The following PATJ variants were observed in gnomAD, a reference collection of about 807,000 sequenced individuals.
PATJ encodes inaD-like protein.
A neutral mutation model predicts 224.9 loss-of-function variants in PATJ; 190 were observed. The observed-to-expected ratio is 0.84, with a 90% CI of 0.75 to 0.95. PATJ has a LOEUF of 0.95. Ranked by LOEUF, PATJ falls within the 40% of genes least tolerant of loss-of-function variation. The pLI is 0.00. For missense variants in PATJ, 2,121 were observed against 2,270.3 expected (o/e 0.93, Z 1.34); for synonymous variants, 769 against 820.3 (o/e 0.94, Z 1.07).
chr1:61,794,886 G>A lies in PATJ; in HGVS notation c.1169-581G>A, dbSNP rs1338782429. The stretch of plus-strand genomic sequence containing the variant: ...GCCTGTAATTCCAGCTACTCAGGAG[G>A]CAGGAGAATCACTTGAACTCTGAAA... On this transcript the variant is annotated intron_variant, in intron 9 of 43. Coordinates refer to ENST00000642238, the MANE Select transcript of PATJ (RefSeq NM_001350145.3). 3.9e-5 allele frequency among the ~76,000 whole-genome samples: 6 copies of A among 152,004 alleles called. No homozygotes were observed. The East Asian group carries it at 1.2e-3, about 29-fold the overall frequency.
chr1:62,128,031 T>C lies in PATJ; in HGVS notation c.5103T>C (p.Asp1701=), dbSNP rs536278499. ...GAGGAAGAGGAAGTCCCTTAGGAGATATCCCCGTATTTATTGCCATGATTC... is the reference window on the plus strand; with the variant it reads ...GAGGAAGAGGAAGTCCCTTAGGAGACATCCCCGTATTTATTGCCATGATTC... ...IAGGRGSPLG[D]IPVFIAMIQA... The change falls in exon 40 of 44, where the codon GAT becomes GAC. Residue 1701 remains aspartate (D), a synonymous_variant. Coordinates refer to ENST00000642238, the MANE Select transcript of PATJ (RefSeq NM_001350145.3). 6.2e-6 allele frequency: 10 copies of C among 1,614,130 alleles called. No individual in the cohort carries two copies. In the African/African-American group the frequency reaches 1.1e-4, roughly 17 times the overall value.
At chr1:62,042,140 A>C (rs2148534289) in intron 30 of PATJ, among the ~76,000 whole-genome samples, 1 of 152,338 alleles carries the variant, frequency 6.6e-6, no homozygotes, top group Non-Finnish European at 1.5e-5. Context: ...TTTGTATTTC[A>C]TTTTCAAAAA....
intron 24 of PATJ, among the ~76,000 whole-genome samples, chr1:61,903,424 T>G (rs576398656): frequency 7.2e-5 from 11 of 152,174 alleles, no homozygotes; most frequent in Admixed American, 5.9e-4. Flanking sequence ...AGGAACAGAT[T>G]TGGGGAGACA....
At chr1:61,765,844 A>G (rs1052405571) in intron 3 of PATJ, among the ~76,000 whole-genome samples, 1 of 152,262 alleles carries the variant, frequency 6.6e-6, no homozygotes, top group African/African-American at 2.4e-5. Flanking sequence ...TCATGCTGGT[A>G]TAGTACTTAC....
At chr1:62,150,417 T>C (rs1668499484) in intron 42 of PATJ, among the ~76,000 whole-genome samples, 1 of 152,026 alleles carries the variant, frequency 6.6e-6, no homozygotes, top group Non-Finnish European at 1.5e-5. Flanking sequence ...GCTAAATTCA[T>C]TGAGAGAGGG....
At chr1:62,012,680 A>G (rs1254306658) in intron 28 of PATJ, among the ~76,000 whole-genome samples, 1 of 151,150 alleles carries the variant, frequency 6.6e-6, no homozygotes, top group Admixed American at 6.6e-5. Flanking sequence ...CTGCTTGAAT[A>G]GTTGGAAGCT....
At chr1:62,049,210 C>T (rs1049193321) in intron 30 of PATJ, among the ~76,000 whole-genome samples, 3 of 150,680 alleles carry the variant, frequency 2.0e-5, no homozygotes, top group Non-Finnish European at 3.0e-5. Context: ...AAAAATTACC[C>T]GTTCCCCAAT....
At chr1:61,820,035 T>C (rs1656933334) in intron 14 of PATJ, among the ~76,000 whole-genome samples, 1 of 152,146 alleles carries the variant, frequency 6.6e-6, no homozygotes, top group South Asian at 2.1e-4. Flanking sequence ...TTACTGTATT[T>C]AATTAATTTA....
intron 24 of PATJ, among the ~76,000 whole-genome samples, chr1:61,905,018 C>A (rs1474748276): frequency 6.6e-6 from 1 of 152,204 alleles, no homozygotes; most frequent in African/African-American, 2.4e-5. Context: ...TCCAAGAGTT[C>A]AAGACTTGCT....
At chr1:62,135,005 AG>A (rs1666679443) in intron 41 of PATJ, among the ~76,000 whole-genome samples, 2 of 11,708 alleles carry the variant, frequency 1.7e-4, no homozygotes, top group South Asian at 5.0e-3. Flanking sequence ...GGCCTATGTG[AG>A]TATCACTAAA....
intron 28 of PATJ, among the ~76,000 whole-genome samples, chr1:61,998,929 A>T (rs1403309542): frequency 6.6e-6 from 1 of 152,136 alleles, no homozygotes; most frequent in Admixed American, 6.5e-5. Context: ...GTCTTGGAGG[A>T]AGGACAATCG....
intron 17 of PATJ, among the ~76,000 whole-genome samples, chr1:61,837,115 C>A (rs1187486117): frequency 6.6e-6 from 1 of 152,114 alleles, no homozygotes; most frequent in Non-Finnish European, 1.5e-5. Context: ...TGTTTATGTA[C>A]CTCCAAATTT....
At chr1:61,764,902 A>C (rs1305236267) in intron 3 of PATJ, among the ~76,000 whole-genome samples, 1 of 152,014 alleles carries the variant, frequency 6.6e-6, no homozygotes, top group Non-Finnish European at 1.5e-5. Flanking sequence ...AATCTATCAC[A>C]CTTGTTGGAC....
Position 61,856,139 on chromosome 1 carries a change from A to G in PATJ, c.2222A>G (p.Asn741Ser), listed in dbSNP as rs968247973. The G allele has an allele frequency of 1.1e-5, 18 of 1,614,056 alleles. No individual in the cohort carries two copies. Among genetic ancestry groups the G allele is most frequent in the African/African-American group, 8.0e-5 (6 of 74,940 alleles). ...LLPGDRLVSV[N>S]EYCLDNTSLA... ...CCTGGAGACCGCCTGGTCTCAGTCAATGAATACTGTTTGGACAACACCTCA... is the reference window on the plus strand; with the variant it reads ...CCTGGAGACCGCCTGGTCTCAGTCAGTGAATACTGTTTGGACAACACCTCA... Residue 741 changes from asparagine to serine, a missense_variant, in exon 18 of 44, where the codon AAT becomes AGT. Transcript: ENST00000642238.
chr1:61,845,193 A>G (rs184382323), intron 17 of PATJ, among the ~76,000 whole-genome samples: 155 of 152,236 alleles, frequency 1.0e-3, no homozygotes, highest in Non-Finnish European at 1.7e-3. Flanking sequence ...GACTGATAAA[A>G]TCTTCTACAA....
At chr1:61,812,076 T>C (rs529298524) in intron 14 of PATJ, among the ~76,000 whole-genome samples, 34 of 151,876 alleles carry the variant, frequency 2.2e-4, no homozygotes, top group African/African-American at 8.0e-4. Context: ...AAAAACACTA[T>C]ATTTTTCATC....
chr1:62,029,233 G>A (rs1648706174), intron 29 of PATJ, among the ~76,000 whole-genome samples: 1 of 152,174 alleles, frequency 6.6e-6, no homozygotes, highest in Admixed American at 6.6e-5. Flanking sequence ...TTTAGAAGAG[G>A]CAGAAATGCT....
At chr1:61,901,247 T>C in intron 23 of PATJ, 35 bp from the exon 24 acceptor site, 1 of 1,389,506 alleles carries the variant, frequency 7.2e-7, no homozygotes, top group Non-Finnish European at 9.6e-7. Flanking sequence ...ATTAAACTTG[T>C]TGATGAGTGA....
chr1:61,819,161 CA>C (rs1285285532), intron 14 of PATJ, among the ~76,000 whole-genome samples: 7 of 152,204 alleles, frequency 4.6e-5, no homozygotes. Context: ...GTGTCCCCTT[CA>C]TTGTGGAGCC....
Sources: allele counts gnomAD v4.1 joint callset (sites outside exome capture counted in the v4.1 genomes callset), GRCh38; gene constraint gnomAD v4.1.1; transcripts MANE v1.5; gene names NCBI Gene and HGNC (gene_info 2026-07-23, HGNC 2026-07-21).